The following ATP2B2 variants were observed in gnomAD, a reference collection of about 807,000 sequenced individuals.
ATP2B2 encodes the protein ATPase plasma membrane Ca2+ transporting 2.
ATP2B2 carries 15 observed loss-of-function variants against 120.0 expected under a neutral mutation model. That is an observed-to-expected ratio of 0.12 (90% CI 0.08 to 0.19). The LOEUF (loss-of-function observed/expected upper bound fraction) is 0.19, where lower values mean the gene tolerates loss of function less well. Ranked by LOEUF, ATP2B2 falls within the 10% of genes least tolerant of loss-of-function variation. The pLI, the probability that ATP2B2 is intolerant of heterozygous loss-of-function variation, is 1.00. For synonymous variants in ATP2B2, 694 were observed against 700.3 expected, an observed-to-expected ratio of 0.99 and a Z score of 0.14; for missense variants, 1,045 against 1,719.8, an observed-to-expected ratio of 0.61 and a Z score of 6.94.
chr3:10,644,214 C>T (rs563082637), intron 1 of ATP2B2, among the ~76,000 whole-genome samples: 1 of 152,210 alleles, frequency 6.6e-6, no homozygotes, highest in East Asian at 1.9e-4. Flanking sequence ...CAAATCAAAA[C>T]CACAATGAGA....
intron 2 of ATP2B2, among the ~76,000 whole-genome samples, chr3:10,423,907 G>T (rs1468923195): frequency 6.6e-6 from 1 of 152,144 alleles, no homozygotes; most frequent in Non-Finnish European, 1.5e-5. Context: ...AGTGGTGGTG[G>T]GCACACAGCT....
At chr3:10,440,101 A>T (rs903632351) in intron 2 of ATP2B2, among the ~76,000 whole-genome samples, 16 of 36,682 alleles carry the variant, frequency 4.4e-4, no homozygotes, top group South Asian at 4.5e-3. Flanking sequence ...GACTCTATCT[A>T]AAAAAAAAAA....
intron 12 of ATP2B2, among the ~76,000 whole-genome samples, chr3:10,362,442 G>C (rs1311105689): frequency 6.6e-6 from 1 of 152,204 alleles, no homozygotes; most frequent in African/African-American, 2.4e-5. Flanking sequence ...CTGAGACCTG[G>C]GGATGCATAG....
intron 1 of ATP2B2, among the ~76,000 whole-genome samples, chr3:10,476,767 G>T (rs1218824151): frequency 6.6e-6 from 1 of 152,198 alleles, no homozygotes; most frequent in Non-Finnish European, 1.5e-5. Context: ...AATTTTTTCT[G>T]CCTCCTTCAT....
In ATP2B2 at chr3:10,375,095, C is replaced by T. The variant is rs183152247; in HGVS notation, c.1416+335G>A. On this transcript the variant is annotated intron_variant, in intron 11 of 22. Coordinates refer to ENST00000360273, the MANE Select transcript of ATP2B2 (RefSeq NM_001001331.4). The surrounding 1 kb of genome is among the most constrained non-coding windows in gnomAD (Gnocchi z 4.2). ...GTTGATTATCAATGTCTAAAAATCA[C>T]GAGAGTCTACATTAAGTCCAGATTT... 1.3e-5 allele frequency among the ~76,000 whole-genome samples: 2 copies of T among 152,214 alleles called. No homozygotes were observed. Among genetic ancestry groups the T allele is most frequent in the African/African-American group, 2.4e-5 (1 of 41,540 alleles).
At chr3:10,660,133 T>C (rs74183722) in intron 1 of ATP2B2, among the ~76,000 whole-genome samples, 33,492 of 152,086 alleles carry the variant, frequency 0.22, 6,175 homozygotes, top group African/African-American at 0.5. Flanking sequence ...TAAATGCCCA[T>C]AAGAGAAATC....
chr3:10,666,156 A>G (rs942075656), intron 1 of ATP2B2, among the ~76,000 whole-genome samples: 3 of 152,046 alleles, frequency 2.0e-5, no homozygotes, highest in Non-Finnish European at 4.4e-5. Context: ...CCCCAAATAC[A>G]CTAACTCAGA....
At chr3:10,382,347 AT>A (rs925950801) in intron 8 of ATP2B2, among the ~76,000 whole-genome samples, 35 of 144,860 alleles carry the variant, frequency 2.4e-4, no homozygotes, top group African/African-American at 5.4e-4. Context: ...ATGATGTATA[AT>A]TTTTTTTTTC....
intron 2 of ATP2B2, among the ~76,000 whole-genome samples, chr3:10,609,551 G>A (rs1181817333): frequency 6.6e-6 from 1 of 152,240 alleles, no homozygotes; most frequent in Non-Finnish European, 1.5e-5. Context: ...GCACTTGCCA[G>A]TATAGAAATG....
At chr3:10,665,740 T>C (rs2070913384) in intron 1 of ATP2B2, among the ~76,000 whole-genome samples, 1 of 152,212 alleles carries the variant, frequency 6.6e-6, no homozygotes, top group South Asian at 2.1e-4. Context: ...TCTAAGCTCC[T>C]GAAGGAGTCA....
intron 2 of ATP2B2, among the ~76,000 whole-genome samples, chr3:10,571,386 C>A (rs193257362): frequency 2.1e-3 from 318 of 152,330 alleles, no homozygotes; most frequent in African/African-American, 7.3e-3. Context: ...GCTGTGAGAA[C>A]CCACTGTACC....
chr3:10,518,628 G>A (rs1430710472), intron 3 of ATP2B2, among the ~76,000 whole-genome samples: 6 of 152,328 alleles, frequency 3.9e-5, no homozygotes, highest in Non-Finnish European at 7.3e-5. Flanking sequence ...CGCTGCGGCC[G>A]TGCTGACCTC....
intron 6 of ATP2B2, chr3:10,387,795 T>A (rs541751055): frequency 4.3e-6 from 1 of 232,282 alleles, no homozygotes; most frequent in Admixed American, 5.1e-5. Context: ...AATGGTTGAT[T>A]TGGAGCCATG....
chr3:10,672,293 G>A (rs966655014), intron 1 of ATP2B2, among the ~76,000 whole-genome samples: 1 of 152,224 alleles, frequency 6.6e-6, no homozygotes, highest in Non-Finnish European at 1.5e-5. Context: ...TGTGGGTTCA[G>A]AAGAGGCCTT....
intron 2 of ATP2B2, among the ~76,000 whole-genome samples, chr3:10,613,878 C>T (rs1351787540): frequency 6.6e-6 from 1 of 152,076 alleles, no homozygotes; most frequent in Non-Finnish European, 1.5e-5. Flanking sequence ...CCTCACCTCT[C>T]ACTTCTCCCT....
At chr3:10,628,652 T>C (rs2069776362) in intron 1 of ATP2B2, among the ~76,000 whole-genome samples, 1 of 152,248 alleles carries the variant, frequency 6.6e-6, no homozygotes, top group Admixed American at 6.5e-5. Context: ...TTTACCATAG[T>C]TGCTCCTCAT....
At chr3:10,586,056 T>C (rs949223971) in intron 2 of ATP2B2, among the ~76,000 whole-genome samples, 52 of 152,350 alleles carry the variant, frequency 3.4e-4, no homozygotes, top group African/African-American at 1.2e-3. Context: ...TTCCATCCTA[T>C]AGTGCTGTCC....
chr3:10,564,810 C>T (rs1004806118), intron 2 of ATP2B2, among the ~76,000 whole-genome samples: 1 of 152,204 alleles, frequency 6.6e-6, no homozygotes, highest in African/African-American at 2.4e-5. Context: ...GATAACTCTG[C>T]ATCCCAACAA....
chr3:10,472,269 C>T (rs920591917), intron 1 of ATP2B2, among the ~76,000 whole-genome samples: 3 of 152,064 alleles, frequency 2.0e-5, no homozygotes, highest in Non-Finnish European at 4.4e-5. Context: ...GCCCTCTTGC[C>T]ACCTGCTGGT....
Sources: allele counts gnomAD v4.1 joint callset (sites outside exome capture counted in the v4.1 genomes callset), GRCh38; gene constraint gnomAD v4.1.1; non-coding constraint Gnocchi (gnomAD v3.1); transcripts MANE v1.5; gene names NCBI Gene and HGNC (gene_info 2026-07-23, HGNC 2026-07-21).